Variants in SDCCAG8 observed in about 807,000 individuals in gnomAD.
SDCCAG8 encodes the protein serologically defined colon cancer antigen 8.
SDCCAG8 carries 74 observed loss-of-function variants against 101.8 expected under a neutral mutation model. The observed-to-expected ratio is 0.73, with a 90% CI of 0.60 to 0.88. The LOEUF (loss-of-function observed/expected upper bound fraction) is 0.88, where lower values mean the gene tolerates loss of function less well. Among genes scored for constraint, SDCCAG8 ranks in the 40% least tolerant of loss-of-function variants. The pLI is 0.00. For missense variants in SDCCAG8, 787 were observed against 822.6 expected, an observed-to-expected ratio of 0.96 and a Z score of 0.53; for synonymous variants, 281 against 292.9, an observed-to-expected ratio of 0.96 and a Z score of 0.41.
chr1:243,336,527 G>A (rs1424966459), intron 10 of SDCCAG8, among the ~76,000 whole-genome samples: 1 of 152,226 alleles, frequency 6.6e-6, no homozygotes, highest in African/African-American at 2.4e-5. Flanking sequence ...TGGAAGGGAA[G>A]CAGGCATGTC....
intron 10 of SDCCAG8, among the ~76,000 whole-genome samples, chr1:243,339,174 C>A (rs1430823735): frequency 6.6e-6 from 1 of 151,932 alleles, no homozygotes; most frequent in Non-Finnish European, 1.5e-5. Context: ...AGGGAGGAAT[C>A]CTAAGGAAGG....
chr1:243,378,621 T>C, intron 12 of SDCCAG8, 100 bp from the exon 13 acceptor site: 2 of 1,317,454 alleles, frequency 1.5e-6, no homozygotes, highest in East Asian at 4.9e-5. Flanking sequence ...AATAATTTTT[T>C]ATCAAATTGA....
In SDCCAG8 at chr1:243,274,589, T is replaced by G; in HGVS notation, c.353T>G (p.Leu118Arg). The change falls in exon 4 of 18, where the codon CTT becomes CGT. Residue 118 changes from leucine to arginine, a missense_variant. Coordinates refer to ENST00000366541, the MANE Select transcript of SDCCAG8 (RefSeq NM_006642.5). Reference sequence around the variant, plus strand: ...ACCAATATGCCTACTATGCACGACCTTGTTCATACTATTAATGACCAGTCT... The same window carrying G: ...ACCAATATGCCTACTATGCACGACCGTGTTCATACTATTAATGACCAGTCT... Reference protein sequence around the residue: ...EETNMPTMHDLVHTINDQSQY... With the variant: ...EETNMPTMHDRVHTINDQSQY... 1 of 1,611,552 alleles carries G rather than the reference T, an allele frequency of 6.2e-7. No individual in the cohort carries two copies. Among genetic ancestry groups the G allele is most frequent in the Non-Finnish European group, 8.5e-7 (1 of 1,178,098 alleles).
chr1:243,353,350 G>C (rs930704220), intron 12 of SDCCAG8, among the ~76,000 whole-genome samples: 1 of 151,614 alleles, frequency 6.6e-6, no homozygotes, highest in South Asian at 2.1e-4. Context: ...AATTAGCCGG[G>C]TGTGGTGGCG....
chr1:243,267,588 G>A (rs2067726626), intron 1 of SDCCAG8: 5 of 524,656 alleles, frequency 9.5e-6, no homozygotes, highest in Non-Finnish European at 1.4e-5. Context: ...GGCGACAAGA[G>A]CCAAACTCCC....
At chr1:243,262,063 G>T (rs2067233869) in intron 1 of SDCCAG8, among the ~76,000 whole-genome samples, 1 of 151,234 alleles carries the variant, frequency 6.6e-6, no homozygotes, top group Non-Finnish European at 1.5e-5. Context: ...GCCTGCCTTG[G>T]CCTCCCAAAG....
chr1:243,282,416 C>A (rs541264863), intron 4 of SDCCAG8, among the ~76,000 whole-genome samples: 73 of 152,262 alleles, frequency 4.8e-4, no homozygotes, highest in African/African-American at 1.7e-3. Context: ...ACTACAAACA[C>A]TATTGCAATT....
intron 8 of SDCCAG8, among the ~76,000 whole-genome samples, chr1:243,313,918 T>G (rs561141763): frequency 2.9e-4 from 44 of 152,174 alleles, no homozygotes; most frequent in African/African-American, 1.0e-3. Context: ...GGCTAAAAAA[T>G]GAAAGCTCAG....
Position 243,304,719 on chromosome 1 carries a change from C to G in SDCCAG8, c.682C>G (p.Leu228Val), listed in dbSNP as rs768424996. The G allele has an allele frequency of 1.3e-6, 2 of 1,564,946 alleles. No individual in the cohort carries two copies. The highest frequency in any genetic ancestry group is 2.7e-5 in the African/African-American group (2 of 73,876). ...SAGEQLELEKLKLTYEEKCEI... is the reference protein window; with the variant it reads ...SAGEQLELEKVKLTYEEKCEI... Reference sequence around the variant, plus strand: ...CTATTTTTCTTTTCTATAGGAGAAGCTAAAACTTACTTATGAGGAAAAGTG... The same window carrying G: ...CTATTTTTCTTTTCTATAGGAGAAGGTAAAACTTACTTATGAGGAAAAGTG... The change falls in exon 7 of 18, where the codon CTA becomes GTA. Residue 228 changes from leucine (L) to valine (V), a missense_variant. Leu to Val is a conservative substitution (Grantham distance 32). Transcript: ENST00000366541.
chr1:243,488,885 C>A, intron 16 of SDCCAG8, 129 bp from the exon 17 acceptor site: 2 of 1,340,524 alleles, frequency 1.5e-6, no homozygotes, highest in African/African-American at 1.4e-5. Flanking sequence ...GAGCCTGGCA[C>A]CTCAGGGTCA....
At chr1:243,431,756 C>T (rs1008530167) in intron 16 of SDCCAG8, among the ~76,000 whole-genome samples, 1 of 152,074 alleles carries the variant, frequency 6.6e-6, no homozygotes, top group Non-Finnish European at 1.5e-5. Context: ...AGTGGACAAG[C>T]CCCAGAGCCA....
intron 12 of SDCCAG8, among the ~76,000 whole-genome samples, chr1:243,348,053 T>C (rs998554050): frequency 4.1e-4 from 61 of 147,892 alleles, no homozygotes; most frequent in Non-Finnish European, 6.0e-4. Flanking sequence ...TTTTTTTTTT[T>C]AGGACGGAGT....
chr1:243,366,071 T>C (rs2076975559), intron 12 of SDCCAG8, among the ~76,000 whole-genome samples: 1 of 152,092 alleles, frequency 6.6e-6, no homozygotes, highest in South Asian at 2.1e-4. Flanking sequence ...CTGAGAGCAT[T>C]GTAAATACAT....
At chr1:243,392,269 A>C (rs1181295777) in intron 13 of SDCCAG8, among the ~76,000 whole-genome samples, 2 of 152,224 alleles carry the variant, frequency 1.3e-5, no homozygotes, top group Non-Finnish European at 2.9e-5. Flanking sequence ...AATTAAGGGC[A>C]TGACCACCTG....
intron 13 of SDCCAG8, among the ~76,000 whole-genome samples, chr1:243,408,633 A>G (rs1198335695): frequency 2.0e-5 from 3 of 152,140 alleles, no homozygotes; most frequent in African/African-American, 7.2e-5. Context: ...CCCTGATAAA[A>G]GAAGAGACTG....
chr1:243,278,950 TTTA>T (rs374604812), intron 4 of SDCCAG8, among the ~76,000 whole-genome samples: 34 of 151,756 alleles, frequency 2.2e-4, no homozygotes, highest in African/African-American at 6.5e-4. Context: ...GCTTGGCTAT[TTTA>T]TTATTATTAT....
At chr1:243,267,299 C>T in intron 1 of SDCCAG8, 1 of 218,154 alleles carries the variant, frequency 4.6e-6, no homozygotes, top group Non-Finnish European at 9.1e-6. Flanking sequence ...ATGGATTCTT[C>T]TTTTAAGGTC....
At chr1:243,306,610 A>T (rs1345615838) in intron 7 of SDCCAG8, 1 of 152,004 alleles carries the variant, frequency 6.6e-6, no homozygotes, top group Non-Finnish European at 1.5e-5. Flanking sequence ...GAGTGTTTTG[A>T]GTTTGGAGCT....
chr1:243,365,727 A>T (rs2076956930), intron 12 of SDCCAG8, among the ~76,000 whole-genome samples: 3 of 152,166 alleles, frequency 2.0e-5, no homozygotes, highest in African/African-American at 7.2e-5. Context: ...TGGCAATAGT[A>T]GCAGACTAAT....
Sources: gnomAD v4.1 joint callset for allele counts (sites outside exome capture counted in the v4.1 genomes callset) on GRCh38, gnomAD v4.1.1 for gene constraint, MANE v1.5 for transcripts, NCBI Gene and HGNC (gene_info 2026-07-23, HGNC 2026-07-21) for gene names.